The following IQGAP2 variants were observed in gnomAD, a reference collection of about 807,000 sequenced individuals.
IQGAP2 encodes the protein ras GTPase-activating-like protein IQGAP2.
In IQGAP2, 173 loss-of-function variants were observed where a neutral mutation model predicts 201.3. That is an observed-to-expected ratio of 0.86 (90% CI 0.76 to 0.98). The LOEUF is 0.98. IQGAP2 is among the 50% of genes least tolerant of loss of function. IQGAP2 has a pLI of 0.00. For synonymous variants in IQGAP2, 675 were observed against 673.9 expected, an observed-to-expected ratio of 1.00 and a Z score of -0.03; for missense variants, 1,687 against 1,864.8, an observed-to-expected ratio of 0.90 and a Z score of 1.76.
At chr5:76,513,464 A>G (rs1758112328) in intron 2 of IQGAP2, among the ~76,000 whole-genome samples, 1 of 152,264 alleles carries the variant, frequency 6.6e-6, no homozygotes, top group Non-Finnish European at 1.5e-5. Flanking sequence ...GCGTATATGT[A>G]TAAAATTCCT....
chr5:76,634,488 G>C (rs1750966415), intron 15 of IQGAP2, among the ~76,000 whole-genome samples: 1 of 151,994 alleles, frequency 6.6e-6, no homozygotes, highest in African/African-American at 2.4e-5. Context: ...TCGAACTCCT[G>C]ACCTCAAGTG....
At chr5:76,607,811 T>C (rs1747930261) in intron 12 of IQGAP2, 1 of 152,276 alleles carries the variant, frequency 6.6e-6, no homozygotes, top group Admixed American at 6.5e-5. Flanking sequence ...GTGGTTTGGT[T>C]GCTACAGCAA....
intron 30 of IQGAP2, among the ~76,000 whole-genome samples, chr5:76,688,571 G>A (rs1745987714): frequency 6.6e-6 from 1 of 152,162 alleles, no homozygotes; most frequent in African/African-American, 2.4e-5. Context: ...TTTGAGAGCT[G>A]ACAGTGGTCA....
chr5:76,591,826 A>G (rs1348074400), intron 8 of IQGAP2, among the ~76,000 whole-genome samples: 2 of 152,134 alleles, frequency 1.3e-5, no homozygotes, highest in African/African-American at 2.4e-5. Flanking sequence ...CCTTCTCCAG[A>G]TAACTTTGTC....
At chr5:76,518,104 C>T (rs115445106) in intron 2 of IQGAP2, among the ~76,000 whole-genome samples, 1,666 of 152,166 alleles carry the variant, frequency 0.011, 17 homozygotes, top group Admixed American at 0.018. Context: ...CCACCAGGCA[C>T]GCACCACCAT....
At chr5:76,566,798 T>G (rs1744782163) in intron 3 of IQGAP2, among the ~76,000 whole-genome samples, 1 of 151,904 alleles carries the variant, frequency 6.6e-6, no homozygotes, top group Non-Finnish European at 1.5e-5. Context: ...TGGAGGGCCA[T>G]GAGAAGACAG....
At chr5:76,408,092 C>T (rs966737896) in intron 1 of IQGAP2, among the ~76,000 whole-genome samples, 12 of 152,048 alleles carry the variant, frequency 7.9e-5, no homozygotes, top group African/African-American at 2.9e-4. Context: ...ACCCGGGAGG[C>T]AGAGGTTGCA....
chr5:76,458,074 G>A (rs1033290320), intron 1 of IQGAP2, among the ~76,000 whole-genome samples: 1 of 152,138 alleles, frequency 6.6e-6, no homozygotes, highest in Non-Finnish European at 1.5e-5. Context: ...CCCTTCCTGG[G>A]CCCACTTAGA....
intron 1 of IQGAP2, among the ~76,000 whole-genome samples, chr5:76,414,297 TAGTC>T (rs1236405134): frequency 1.3e-5 from 2 of 152,108 alleles, no homozygotes; most frequent in Non-Finnish European, 2.9e-5. Context: ...GATAGTCACA[TAGTC>T]AGCCTCATGA....
intron 1 of IQGAP2, among the ~76,000 whole-genome samples, chr5:76,406,693 A>G (rs1179938666): frequency 6.6e-6 from 1 of 152,248 alleles, no homozygotes; most frequent in East Asian, 1.9e-4. Context: ...TTGAGAGTTA[A>G]AAACACCAGC....
chr5:76,617,959 T>C (rs2069683), intron 13 of IQGAP2: 24,343 of 1,614,082 alleles, frequency 0.015, 709 homozygotes, highest in East Asian at 0.11. Context: ...TCGCAAGTGT[T>C]GTGAACATCA....
chr5:76,566,478 G>A (rs562072700), intron 3 of IQGAP2, among the ~76,000 whole-genome samples: 12 of 152,264 alleles, frequency 7.9e-5, no homozygotes, highest in Middle Eastern at 3.4e-3. Flanking sequence ...AAGGGACAGT[G>A]GTGGAAGATG....
chr5:76,409,415 T>A (rs970908107), intron 1 of IQGAP2, among the ~76,000 whole-genome samples: 3 of 151,594 alleles, frequency 2.0e-5, no homozygotes, highest in African/African-American at 7.3e-5. Flanking sequence ...CCTGGCTAAT[T>A]TTTGTATTTT....
At chr5:76,411,166 G>T (rs943552468) in intron 1 of IQGAP2, among the ~76,000 whole-genome samples, 1 of 152,108 alleles carries the variant, frequency 6.6e-6, no homozygotes, top group Non-Finnish European at 1.5e-5. Context: ...ATTCTGATGC[G>T]CTAGAGCATC....
intron 2 of IQGAP2, among the ~76,000 whole-genome samples, chr5:76,502,327 A>G (rs536088067): frequency 9.3e-4 from 141 of 152,356 alleles, no homozygotes; most frequent in African/African-American, 1.8e-3. Flanking sequence ...GTGAGATGGT[A>G]GTGGTTAACC....
At chr5:76,423,522 G>A (rs796647881) in intron 1 of IQGAP2, among the ~76,000 whole-genome samples, 72 of 152,354 alleles carry the variant, frequency 4.7e-4, no homozygotes, top group African/African-American at 1.7e-3. Context: ...TTGGGAGGCT[G>A]AGGCAGGAGA....
chr5:76,705,453 C>A (rs1471258656), intron 35 of IQGAP2, among the ~76,000 whole-genome samples: 1 of 152,146 alleles, frequency 6.6e-6, no homozygotes, highest in African/African-American at 2.4e-5. Context: ...GTCATGAGTC[C>A]AGCCATGTTT....
chr5:76,603,811 C>G (rs1217865851), intron 11 of IQGAP2, among the ~76,000 whole-genome samples: 7 of 152,104 alleles, frequency 4.6e-5, no homozygotes. Context: ...AGACTCCTTA[C>G]TAGTCTGTCC....
intron 2 of IQGAP2, among the ~76,000 whole-genome samples, chr5:76,534,117 CA>C (rs1759486963): frequency 6.6e-6 from 1 of 152,194 alleles, no homozygotes; most frequent in East Asian, 1.9e-4. Context: ...GTTAATCCAT[CA>C]GGGATATTTT....
Sources: allele counts gnomAD v4.1 joint callset (sites outside exome capture counted in the v4.1 genomes callset), GRCh38; gene constraint gnomAD v4.1.1; transcripts MANE v1.5; gene names NCBI Gene and HGNC (gene_info 2026-07-23, HGNC 2026-07-21).